Variants in PXK observed in about 807,000 individuals in gnomAD.
PXK encodes the protein PX domain containing serine/threonine kinase like.
A neutral mutation model predicts 84.7 loss-of-function variants in PXK; 35 were observed. The ratio of observed to expected loss-of-function variants is 0.41; its 90% confidence interval spans 0.32 to 0.55. PXK has a LOEUF of 0.55. PXK is among the 20% of genes least tolerant of loss of function. The pLI is 0.21. For missense variants in PXK, 634 were observed against 699.7 expected (o/e 0.91, Z 1.06); for synonymous variants, 253 against 260.8 (o/e 0.97, Z 0.29).
chr3:58,424,501 G>A (rs2062518333), intron 17 of PXK, among the ~76,000 whole-genome samples: 1 of 152,208 alleles, frequency 6.6e-6, no homozygotes, highest in South Asian at 2.1e-4. Flanking sequence ...GTGGTTTCAT[G>A]TAATCTGTAA....
chr3:58,358,312 C>G (rs1215997180), intron 1 of PXK, among the ~76,000 whole-genome samples: 1 of 152,210 alleles, frequency 6.6e-6, no homozygotes, highest in East Asian at 1.9e-4. Flanking sequence ...CCACTGCCAC[C>G]CTGTGGTAAC....
Position 58,416,942 on chromosome 3 carries a change from G to C in PXK, c.1528+3979G>C, listed in dbSNP as rs1400490492. Among the ~76,000 whole-genome samples the C allele has an allele frequency of 4.2e-4, 64 of 152,138 alleles. No individual in the cohort carries two copies. The highest frequency in any genetic ancestry group is 8.8e-5 in the Non-Finnish European group (6 of 68,028). On this transcript the variant is annotated intron_variant, in intron 17 of 17. Transcript: ENST00000356151. This position sits in a 1 kb window ranked among gnomAD's most constrained non-coding sequence, Gnocchi z 4.8. ...CCGGCCAGGATTGCAACTTTTGGCT[G>C]GCCAGCCCATGCTTAGGCTGTTCTT... is the stretch of plus-strand genomic sequence containing the variant.
At chr3:58,377,886 T>C (rs2098457062) in intron 3 of PXK, among the ~76,000 whole-genome samples, 1 of 152,304 alleles carries the variant, frequency 6.6e-6, no homozygotes, top group East Asian at 1.9e-4. Flanking sequence ...GATAATCTCA[T>C]TGGGTCTCAA....
intron 13 of PXK, among the ~76,000 whole-genome samples, chr3:58,404,229 C>T (rs764286228): frequency 4.6e-5 from 7 of 152,278 alleles, no homozygotes; most frequent in Middle Eastern, 3.4e-3. Flanking sequence ...TCCTGGGAAG[C>T]AGTGGTGTTA....
chr3:58,420,313 T>C (rs981007630), intron 17 of PXK, among the ~76,000 whole-genome samples: 8 of 152,260 alleles, frequency 5.3e-5, no homozygotes, highest in East Asian at 1.9e-4. Flanking sequence ...AAGCGACTCA[T>C]TGGTTATTCT....
intron 3 of PXK, among the ~76,000 whole-genome samples, chr3:58,373,809 G>A (rs1002633224): frequency 4.6e-5 from 7 of 152,076 alleles, no homozygotes; most frequent in Non-Finnish European, 8.8e-5. Context: ...ACTTTGGGAG[G>A]CCGAGGTGGG....
intron 1 of PXK, among the ~76,000 whole-genome samples, chr3:58,361,222 G>C (rs1192306811): frequency 6.6e-6 from 1 of 150,854 alleles, no homozygotes; most frequent in Non-Finnish European, 1.5e-5. Flanking sequence ...CTTGAACCCG[G>C]GAGGCGGAGG....
At chr3:58,342,038 T>C (rs543257783) in intron 1 of PXK, among the ~76,000 whole-genome samples, 1 of 151,866 alleles carries the variant, frequency 6.6e-6, no homozygotes, top group East Asian at 1.9e-4. Context: ...GAAGCCTTAG[T>C]CATCACCCTG....
chr3:58,348,365 G>C (rs1382403374), intron 1 of PXK, among the ~76,000 whole-genome samples: 1 of 152,176 alleles, frequency 6.6e-6, no homozygotes, highest in Admixed American at 6.5e-5. Flanking sequence ...CACAGAACCA[G>C]ACAATGATTT....
In PXK at chr3:58,397,785, T is replaced by C. The variant is rs1317013630; in HGVS notation, c.1102+63T>C. 2.2e-6 allele frequency: 3 copies of C among 1,358,772 alleles called. No individual in the cohort carries two copies. The highest frequency in any genetic ancestry group is 3.1e-6 in the Non-Finnish European group (3 of 954,714). 84.2% of individuals were successfully genotyped at this position (1,358,772 alleles called of 1,614,324 possible). On this transcript the variant is annotated intron_variant, in intron 11 of 17. Coordinates refer to ENST00000356151, the MANE Select transcript of PXK (RefSeq NM_017771.5). The surrounding 1 kb of genome is among the most constrained non-coding windows in gnomAD (Gnocchi z 4.7). ...TAGTGTGCAGAGCCACTCATCCCCT[T>C]TCCAGAGTCCAGGAAAGACCCAGAG... is the stretch of plus-strand genomic sequence containing the variant.
chr3:58,335,415 C>T (rs149468103), intron 1 of PXK, among the ~76,000 whole-genome samples: 42 of 152,224 alleles, frequency 2.8e-4, no homozygotes, highest in African/African-American at 7.0e-4. Context: ...GAAAATCTTA[C>T]GCTGATGCAA....
intron 4 of PXK, among the ~76,000 whole-genome samples, chr3:58,387,189 T>C (rs1307439382): frequency 1.3e-5 from 2 of 152,222 alleles, no homozygotes. Flanking sequence ...GTGCTCTCCA[T>C]TTCCTGTCTC....
At chr3:58,362,583 A>G (rs992996911) in intron 1 of PXK, among the ~76,000 whole-genome samples, 11 of 152,350 alleles carry the variant, frequency 7.2e-5, no homozygotes, top group Non-Finnish European at 8.8e-5. Flanking sequence ...TTAATTAGGC[A>G]TACTTATATG....
chr3:58,377,179 C>T (rs746069547), intron 3 of PXK, among the ~76,000 whole-genome samples: 3 of 151,682 alleles, frequency 2.0e-5, no homozygotes, highest in Non-Finnish European at 2.9e-5. Flanking sequence ...GACATATTTT[C>T]GTAATTATAT....
rs1560033103 is a variant in PXK at position 58,390,042 on chromosome 3, A to G, written c.389-540A>G. Among the ~76,000 whole-genome samples, 1 of 143,638 alleles carries G rather than the reference A, an allele frequency of 7.0e-6. No homozygotes were observed. Among genetic ancestry groups the G allele is most frequent in the Non-Finnish European group, 1.5e-5 (1 of 66,066 alleles). 94.2% of individuals were successfully genotyped at this position (143,638 alleles called of 152,430 possible). ...AAAAAAAACAATTTAGCCAGGCGTGATGGCCCATGCTTGTAGTCCCAGCTA... is the reference window on the plus strand; with the variant it reads ...AAAAAAAACAATTTAGCCAGGCGTGGTGGCCCATGCTTGTAGTCCCAGCTA... On this transcript the variant is annotated intron_variant, in intron 4 of 17. Coordinates refer to ENST00000356151, the MANE Select transcript of PXK (RefSeq NM_017771.5). The surrounding 1 kb of genome is among the most constrained non-coding windows in gnomAD (Gnocchi z 4.2).
intron 1 of PXK, among the ~76,000 whole-genome samples, chr3:58,346,863 G>C (rs889707893): frequency 2.6e-5 from 4 of 151,892 alleles, no homozygotes; most frequent in Admixed American, 1.3e-4. Context: ...GGGGGGCACG[G>C]AGTCTGGCTC....
Position 58,425,008 on chromosome 3 carries a change from C to A in PXK, c.*48C>A. ...GGAAAAGTTCTTTTTTATTCCTACT[C>A]ACCCCTACCCCCCAAACTACCCTCT... On this transcript the variant is annotated 3_prime_UTR_variant, in exon 18 of 18. Transcript: ENST00000356151. 1.3e-6 allele frequency: 2 copies of A among 1,598,570 alleles called. No individual in the cohort carries two copies.
chr3:58,408,609 G>A (rs1305768971), intron 13 of PXK, among the ~76,000 whole-genome samples: 2 of 150,680 alleles, frequency 1.3e-5, no homozygotes, highest in East Asian at 1.9e-4. Context: ...TGCAAGCTCC[G>A]CCTCCCGGGT....
Position 58,378,512 on chromosome 3 carries a change from T to TTGTGTGTGTGTG in PXK, c.202-3971_202-3960dup, listed in dbSNP as rs71091375. 5.7e-3 allele frequency among the ~76,000 whole-genome samples: 163 copies of TTGTGTGTGTGTG among 28,378 alleles called. 2 individuals are homozygous for TTGTGTGTGTGTG. Among genetic ancestry groups the TTGTGTGTGTGTG allele is most frequent in the East Asian group, 0.029 (4 of 140 alleles). 18.6% of individuals were successfully genotyped at this position (28,378 alleles called of 152,430 possible). On this transcript the variant is annotated intron_variant, in intron 3 of 17. Transcript: ENST00000356151. ...TTCTTCTTTTTTTTTTTTTTTTTTT[T>TTGTGTGTGTGTG]TGTGTGTGTGTGTGTGTGTGTGTGT...
Sources: gnomAD v4.1 joint callset for allele counts (sites outside exome capture counted in the v4.1 genomes callset) on GRCh38, gnomAD v4.1.1 for gene constraint, Gnocchi (gnomAD v3.1) non-coding constraint, MANE v1.5 for transcripts, NCBI Gene and HGNC (gene_info 2026-07-23, HGNC 2026-07-21) for gene names.